MEIKIN: variants seen among roughly 807,000 people sequenced by gnomAD.
The protein encoded by MEIKIN is meiotic kinetochore factor.
chr5:131,826,913 G>A (rs548914994), intron 11 of MEIKIN, among the ~76,000 whole-genome samples: 1 of 152,210 alleles, frequency 6.6e-6, no homozygotes, highest in East Asian at 1.9e-4. Flanking sequence ...GTGTGAGAAT[G>A]GACTTATACA....
At chr5:131,871,999 C>T (rs1323746915) in intron 9 of MEIKIN, among the ~76,000 whole-genome samples, 1 of 152,062 alleles carries the variant, frequency 6.6e-6, no homozygotes, top group East Asian at 1.9e-4. Context: ...CCCATCCGTA[C>T]GTCACCATCA....
chr5:131,913,378 T>G (rs1018110188), intron 7 of MEIKIN, among the ~76,000 whole-genome samples: 3 of 152,244 alleles, frequency 2.0e-5, no homozygotes, highest in African/African-American at 7.2e-5. Flanking sequence ...TAGCTTCCTC[T>G]TTATTCTGCC....
intron 12 of MEIKIN, among the ~76,000 whole-genome samples, chr5:131,817,621 A>T (rs1396855317): frequency 1.3e-5 from 2 of 151,578 alleles, no homozygotes; most frequent in East Asian, 3.9e-4. Context: ...GTCAAAAAAA[A>T]AAAAAATCCC....
chr5:131,888,029 G>C (rs1750832730), intron 8 of MEIKIN, among the ~76,000 whole-genome samples: 1 of 142,552 alleles, frequency 7.0e-6, no homozygotes, highest in South Asian at 2.3e-4. Context: ...TCCCTACAAA[G>C]GACATGAACT....
At chr5:131,830,501 T>C (rs937001292) in intron 11 of MEIKIN, among the ~76,000 whole-genome samples, 1 of 152,220 alleles carries the variant, frequency 6.6e-6, no homozygotes, top group Admixed American at 6.5e-5. Flanking sequence ...ATTGGAGATA[T>C]AACAGAAAAT....
At chr5:131,910,573 C>T (rs1165149903) in intron 8 of MEIKIN, among the ~76,000 whole-genome samples, 2 of 151,946 alleles carry the variant, frequency 1.3e-5, no homozygotes, top group Non-Finnish European at 2.9e-5. Flanking sequence ...TTAAAAATAA[C>T]TAAAAGAGTA....
intron 8 of MEIKIN, among the ~76,000 whole-genome samples, chr5:131,910,142 A>G (rs977514620): frequency 2.0e-5 from 3 of 152,220 alleles, no homozygotes; most frequent in African/African-American, 7.2e-5. Flanking sequence ...AGCACTATTC[A>G]CAACAGCCAA....
At position 131,933,520 on chromosome 5, in the gene MEIKIN, A is replaced by G. The variant is rs1751722170; in HGVS notation, c.471T>C (p.Asp157=). The change falls in exon 5 of 13, where the codon GAT becomes GAC. Residue 157 remains aspartate, a synonymous_variant. Transcript: ENST00000442687. ...FPSPELFRKS[D]YLDWECPNLE... ...TTGGAATTACTTTCTCACCTAAATA[A>G]TCTGATTTTCTGAACAGTTCAGGTG... 2.5e-6 allele frequency: 1 copy of G among 398,804 alleles called. No individual in the cohort carries two copies. Among genetic ancestry groups the G allele is most frequent in the Non-Finnish European group, 4.4e-6 (1 of 225,912 alleles). The allele number at this position is 398,804 out of a possible 1,614,324, so 24.7% of individuals were successfully genotyped here.
At position 131,939,976 on chromosome 5, in the gene MEIKIN, T is replaced by C. The variant is rs374286372; in HGVS notation, c.349+2659A>G. ...TCGACAATTATTTGAACCTGTATTA[T>C]CTTTGAAACTGTATTCCAAGCATGA... On this transcript the variant is annotated intron_variant, in intron 4 of 12. Coordinates refer to ENST00000442687, the MANE Select transcript of MEIKIN (RefSeq NM_001303622.2). Among the ~76,000 whole-genome samples, 63 of 152,354 alleles carry C rather than the reference T, an allele frequency of 4.1e-4. No homozygotes were observed. The East Asian group carries it at 7.1e-3, about 17-fold the overall frequency.
chr5:131,877,750 C>A (rs1750641177), intron 9 of MEIKIN, among the ~76,000 whole-genome samples: 1 of 152,200 alleles, frequency 6.6e-6, no homozygotes, highest in Admixed American at 6.5e-5. Context: ...AAATGTAAAG[C>A]ACACTGGTCC....
intron 4 of MEIKIN, among the ~76,000 whole-genome samples, chr5:131,939,751 C>G (rs1751837978): frequency 6.6e-6 from 1 of 152,122 alleles, no homozygotes; most frequent in South Asian, 2.1e-4. Flanking sequence ...AGCAAATGAA[C>G]TCTCAGAATA....
intron 11 of MEIKIN, among the ~76,000 whole-genome samples, chr5:131,843,177 T>G (rs1252170200): frequency 6.6e-6 from 1 of 152,272 alleles, no homozygotes; most frequent in African/African-American, 2.4e-5. Flanking sequence ...GCCCTGGGCC[T>G]GGTCCAGAAA....
At chr5:131,923,551 T>G (rs1202930544) in intron 5 of MEIKIN, among the ~76,000 whole-genome samples, 1 of 151,852 alleles carries the variant, frequency 6.6e-6, no homozygotes, top group Non-Finnish European at 1.5e-5. Flanking sequence ...TTATGATTTT[T>G]TTTTCTGGTA....
intron 5 of MEIKIN, among the ~76,000 whole-genome samples, chr5:131,930,006 T>A (rs1291482073): frequency 1.3e-5 from 2 of 152,190 alleles, no homozygotes; most frequent in Non-Finnish European, 2.9e-5. Context: ...TGTTCATGTG[T>A]CTTTATAGAA....
intron 3 of MEIKIN, among the ~76,000 whole-genome samples, chr5:131,944,194 T>G (rs2149656962): frequency 6.6e-6 from 1 of 152,136 alleles, no homozygotes; most frequent in East Asian, 1.9e-4. Flanking sequence ...AATCTGAGCT[T>G]CCCTAAATTA....
At chr5:131,873,381 A>G (rs532626414) in intron 9 of MEIKIN, among the ~76,000 whole-genome samples, 18 of 152,346 alleles carry the variant, frequency 1.2e-4, no homozygotes, top group Non-Finnish European at 2.4e-4. Flanking sequence ...TTAAACCAAC[A>G]AAGATCAAAA....
intron 11 of MEIKIN, among the ~76,000 whole-genome samples, chr5:131,829,574 G>A (rs1002093011): frequency 5.3e-5 from 8 of 152,064 alleles, no homozygotes; most frequent in Non-Finnish European, 8.8e-5. Flanking sequence ...ATAGGCAATC[G>A]GCAAAGAGTT....
At chr5:131,874,460 T>C (rs1025815727) in intron 9 of MEIKIN, among the ~76,000 whole-genome samples, 10 of 152,190 alleles carry the variant, frequency 6.6e-5, no homozygotes, top group Admixed American at 3.9e-4. Context: ...AAGTTGAATC[T>C]CTGAATAGAC....
intron 11 of MEIKIN, among the ~76,000 whole-genome samples, chr5:131,828,971 G>T (rs1174410067): frequency 6.6e-6 from 1 of 151,972 alleles, no homozygotes; most frequent in African/African-American, 2.4e-5. Flanking sequence ...CCAGTACTAA[G>T]CAATGTATAA....
Sources: gnomAD v4.1 joint callset for allele counts (sites outside exome capture counted in the v4.1 genomes callset) on GRCh38, gnomAD v4.1.1 for gene constraint, MANE v1.5 for transcripts, NCBI Gene and HGNC (gene_info 2026-07-23, HGNC 2026-07-21) for gene names.